The following FGGY variants were observed in gnomAD, a reference collection of about 807,000 sequenced individuals.
FGGY encodes the protein FGGY carbohydrate kinase domain-containing protein.
In FGGY, 72 loss-of-function variants were observed where a neutral mutation model predicts 71.3. The observed-to-expected ratio is 1.01, with a 90% CI of 0.84 to 1.23. FGGY has a LOEUF of 1.23. FGGY is among the 50% of genes most tolerant of loss of function. The pLI is 0.00. For synonymous variants in FGGY, 251 were observed against 250.3 expected (o/e 1.00, Z -0.02); for missense variants, 668 against 682.3 (o/e 0.98, Z 0.23).
At chr1:59,297,919 C>G (rs1569789413) in intron 1 of FGGY, among the ~76,000 whole-genome samples, 1 of 152,120 alleles carries the variant, frequency 6.6e-6, no homozygotes, top group African/African-American at 2.4e-5. Context: ...ATTTCTTCCC[C>G]GAAGAGTCAG....
At chr1:59,493,485 T>C (rs2153592319) in intron 6 of FGGY, among the ~76,000 whole-genome samples, 1 of 152,104 alleles carries the variant, frequency 6.6e-6, no homozygotes, top group East Asian at 1.9e-4. Context: ...ACACATACTA[T>C]AGCATGGATG....
At chr1:59,411,590 A>T (rs1234615382) in intron 5 of FGGY, among the ~76,000 whole-genome samples, 1 of 152,208 alleles carries the variant, frequency 6.6e-6, no homozygotes, top group Non-Finnish European at 1.5e-5. Context: ...GTGTTTTTCT[A>T]TGATTATAAT....
intron 4 of FGGY, among the ~76,000 whole-genome samples, chr1:59,369,816 A>G (rs1280959357): frequency 6.6e-6 from 1 of 152,224 alleles, no homozygotes; most frequent in African/African-American, 2.4e-5. Flanking sequence ...TCTGGAGTGG[A>G]CGTCTAGCAA....
intron 14 of FGGY, among the ~76,000 whole-genome samples, chr1:59,693,902 G>A (rs2097622471): frequency 6.6e-6 from 1 of 152,186 alleles, no homozygotes; most frequent in African/African-American, 2.4e-5. Context: ...AGCTACTCGG[G>A]AGGCTGAGGT....
chr1:59,400,133 A>G (rs1302928759), intron 5 of FGGY, among the ~76,000 whole-genome samples: 4 of 152,190 alleles, frequency 2.6e-5, no homozygotes, highest in African/African-American at 9.7e-5. Flanking sequence ...GTGTGTGCAG[A>G]TGTAATATGT....
intron 1 of FGGY, among the ~76,000 whole-genome samples, chr1:59,320,773 C>G (rs1037313203): frequency 6.6e-6 from 1 of 152,162 alleles, no homozygotes; most frequent in East Asian, 1.9e-4. Context: ...TTTTAAGAAA[C>G]AAAGGAAAGA....
chr1:59,547,339 T>C (rs2095542214), intron 7 of FGGY, among the ~76,000 whole-genome samples: 1 of 152,162 alleles, frequency 6.6e-6, no homozygotes, highest in Admixed American at 6.5e-5. Context: ...CAGTAAGTCC[T>C]GAAAGAGATC....
chr1:59,460,692 G>T (rs188437306), intron 6 of FGGY, among the ~76,000 whole-genome samples: 2 of 152,162 alleles, frequency 1.3e-5, no homozygotes, highest in African/African-American at 4.8e-5. Flanking sequence ...GCCCCTCTGG[G>T]ATGAAGCTTC....
intron 5 of FGGY, among the ~76,000 whole-genome samples, chr1:59,446,733 A>C (rs2071347022): frequency 6.6e-6 from 1 of 151,948 alleles, no homozygotes; most frequent in South Asian, 2.1e-4. Context: ...ATTTATCCCC[A>C]CTCTCAGCTC....
chr1:59,449,809 A>G (rs2072258631), intron 5 of FGGY, among the ~76,000 whole-genome samples: 1 of 152,122 alleles, frequency 6.6e-6, no homozygotes, highest in African/African-American at 2.4e-5. Context: ...AAAAAATAAA[A>G]AAAAGAAAAA....
chr1:59,409,414 GTTC>G (rs2063247217), intron 5 of FGGY, among the ~76,000 whole-genome samples: 1 of 152,100 alleles, frequency 6.6e-6, no homozygotes, highest in African/African-American at 2.4e-5. Flanking sequence ...AGCCTTGAAT[GTTC>G]AGCCATTATT....
At chr1:59,570,184 C>A (rs2095958110) in intron 8 of FGGY, among the ~76,000 whole-genome samples, 1 of 152,138 alleles carries the variant, frequency 6.6e-6, no homozygotes, top group South Asian at 2.1e-4. Flanking sequence ...ATATGAGAAT[C>A]TGTAATTTTA....
chr1:59,722,210 A>G (rs1416066682), intron 14 of FGGY, among the ~76,000 whole-genome samples: 3 of 152,002 alleles, frequency 2.0e-5, no homozygotes, highest in Non-Finnish European at 2.9e-5. Flanking sequence ...TTTTGGGAGA[A>G]AACAGAAGAC....
At chr1:59,407,033 G>A (rs779057094) in intron 5 of FGGY, among the ~76,000 whole-genome samples, 4 of 152,118 alleles carry the variant, frequency 2.6e-5, no homozygotes, top group Non-Finnish European at 5.9e-5. Flanking sequence ...GTCATCAGTG[G>A]GAGATGGCAA....
chr1:59,653,602 T>G (rs1369803543), intron 11 of FGGY, among the ~76,000 whole-genome samples: 1 of 152,238 alleles, frequency 6.6e-6, no homozygotes, highest in East Asian at 1.9e-4. Flanking sequence ...TGCCTCGCCC[T>G]GCTTCGGCTT....
At chr1:59,730,413 C>T (rs2098011891) in intron 14 of FGGY, among the ~76,000 whole-genome samples, 1 of 151,528 alleles carries the variant, frequency 6.6e-6, no homozygotes, top group Non-Finnish European at 1.5e-5. Flanking sequence ...TACTTGCTGA[C>T]TTTCCCTACT....
At chr1:59,689,437 T>C (rs183223465) in intron 14 of FGGY, among the ~76,000 whole-genome samples, 4 of 152,150 alleles carry the variant, frequency 2.6e-5, no homozygotes, top group African/African-American at 7.2e-5. Flanking sequence ...CAGGTAGGGG[T>C]TGTTAACCAC....
At chr1:59,727,306 G>A (rs1426210347) in intron 14 of FGGY, among the ~76,000 whole-genome samples, 3 of 152,114 alleles carry the variant, frequency 2.0e-5, no homozygotes, top group Non-Finnish European at 2.9e-5. Context: ...TGAACACCTA[G>A]GTTGATTATA....
intron 14 of FGGY, among the ~76,000 whole-genome samples, chr1:59,680,450 CTTTTTT>C (rs71046337): frequency 7.9e-6 from 1 of 127,208 alleles, no homozygotes; most frequent in African/African-American, 3.0e-5. Context: ...ACAATACATT[CTTTTTT>C]TTTTTTTTTA....
Sources: allele counts gnomAD v4.1 joint callset (sites outside exome capture counted in the v4.1 genomes callset), GRCh38; gene constraint gnomAD v4.1.1; transcripts MANE v1.5; gene names NCBI Gene and HGNC (gene_info 2026-07-23, HGNC 2026-07-21).